The following SPAG17 variants were observed in gnomAD, a reference collection of about 807,000 sequenced individuals.
SPAG17 encodes the protein sperm associated antigen 17, also known as sperm-associated antigen 17.
In SPAG17, 169 loss-of-function variants were observed where a neutral mutation model predicts 273.6. The ratio of observed to expected loss-of-function variants is 0.62; its 90% CI spans 0.55 to 0.70. The LOEUF is 0.70. Ranked by LOEUF, SPAG17 falls within the 30% of genes least tolerant of loss-of-function variation. The pLI, the probability that SPAG17 is intolerant of heterozygous loss-of-function variation, is 0.00. For missense variants in SPAG17, 2,557 were observed against 2,627.8 expected (o/e 0.97, Z 0.59); for synonymous variants, 825 against 873.2 (o/e 0.94, Z 0.97).
At chr1:117,981,465 G>A in intron 42 of SPAG17, 64 bp from the exon 43 acceptor site, 2 of 1,494,154 alleles carry the variant, frequency 1.3e-6, no homozygotes, top group Non-Finnish European at 1.8e-6. Flanking sequence ...GACTACTAAT[G>A]TTTGCATGAA....
chr1:118,105,856 G>GAA (rs397844630), intron 4 of SPAG17, among the ~76,000 whole-genome samples: 52 of 150,660 alleles, frequency 3.5e-4, no homozygotes, highest in Middle Eastern at 3.4e-3. Context: ...CATCAAAAAA[G>GAA]AAAAAAAAAG....
At chr1:118,011,274 A>G (rs1160602946) in intron 30 of SPAG17, among the ~76,000 whole-genome samples, 2 of 152,196 alleles carry the variant, frequency 1.3e-5, no homozygotes, top group Admixed American at 6.5e-5. Context: ...ATACACACAT[A>G]TGTTCACTGT....
At chr1:118,087,301 TAGAA>T (rs1558003519) in intron 10 of SPAG17, 1 of 243,426 alleles carries the variant, frequency 4.1e-6, no homozygotes, top group African/African-American at 2.2e-5. Context: ...TCTAGTCAAA[TAGAA>T]TAATAACATT....
At position 118,073,823 on chromosome 1, in the gene SPAG17, C is replaced by T. The variant is rs749932011; in HGVS notation, c.2385+31G>A. ...AGCAGACTCTCCAGACCTATCTGAC[C>T]GTCTCCTAGAGAATCACAGTCCATA... On this transcript the variant is annotated intron_variant, in intron 17 of 48. Coordinates refer to ENST00000336338, the MANE Select transcript of SPAG17 (RefSeq NM_206996.4). The T allele has an allele frequency of 3.4e-5, 50 of 1,458,262 alleles. No homozygotes were observed. The East Asian group carries it at 6.2e-4, about 18-fold the overall frequency. The allele number at this position is 1,458,262 out of a possible 1,614,324, so 90.3% of individuals were successfully genotyped here.
chr1:118,095,275 T>A (rs1289914839), intron 7 of SPAG17, among the ~76,000 whole-genome samples: 1 of 152,188 alleles, frequency 6.6e-6, no homozygotes, highest in Admixed American at 6.5e-5. Context: ...AGTGTTCACA[T>A]CTATGTTCTG....
At chr1:118,024,869 C>A (rs898361495) in intron 27 of SPAG17, among the ~76,000 whole-genome samples, 1 of 152,148 alleles carries the variant, frequency 6.6e-6, no homozygotes, top group Non-Finnish European at 1.5e-5. Context: ...ATCTGATCTG[C>A]ATTTTAAAAG....
intron 43 of SPAG17, among the ~76,000 whole-genome samples, chr1:117,978,870 T>C (rs994664984): frequency 1.8e-5 from 1 of 55,664 alleles, no homozygotes; most frequent in Non-Finnish European, 5.1e-5. Flanking sequence ...CTTCCTCTTC[T>C]TTTTTTTTTT....
intron 46 of SPAG17, among the ~76,000 whole-genome samples, chr1:117,969,102 C>A (rs150476813): frequency 4.6e-5 from 7 of 152,032 alleles, no homozygotes; most frequent in Admixed American, 2.6e-4. Context: ...GATGAACTTA[C>A]GTTTACATCA....
intron 20 of SPAG17, among the ~76,000 whole-genome samples, chr1:118,046,781 T>G (rs1044012272): frequency 1.3e-5 from 2 of 152,124 alleles, no homozygotes; most frequent in African/African-American, 2.4e-5. Context: ...TTTTTGTGTG[T>G]GGGGGGAATA....
At chr1:118,122,693 T>G (rs888302815) in intron 3 of SPAG17, among the ~76,000 whole-genome samples, 2 of 152,222 alleles carry the variant, frequency 1.3e-5, no homozygotes, top group Non-Finnish European at 2.9e-5. Context: ...AGAAAGAGAA[T>G]ATGAGTAGTG....
intron 44 of SPAG17, among the ~76,000 whole-genome samples, chr1:117,972,444 C>CG (rs1163114555): frequency 6.6e-6 from 1 of 152,168 alleles, no homozygotes; most frequent in Non-Finnish European, 1.5e-5. Context: ...TTCTGTTGGT[C>CG]GGGGGCAGGG....
At chr1:117,987,685 C>A (rs1490548397) in intron 40 of SPAG17, 149 bp downstream of exon 40, 7 of 731,926 alleles carry the variant, frequency 9.6e-6, no homozygotes, top group Non-Finnish European at 1.6e-5. Context: ...GATGTCATCA[C>A]ACAGAGCTGA....
intron 24 of SPAG17, among the ~76,000 whole-genome samples, chr1:118,033,848 G>A (rs1648760746): frequency 6.6e-6 from 1 of 152,154 alleles, no homozygotes; most frequent in Non-Finnish European, 1.5e-5. Context: ...CAGCTCTAAA[G>A]TCCCATCTGA....
intron 43 of SPAG17, among the ~76,000 whole-genome samples, chr1:117,979,713 T>C (rs1047989487): frequency 2.6e-5 from 4 of 152,220 alleles, no homozygotes; most frequent in African/African-American, 7.2e-5. Flanking sequence ...TCTTTTACTT[T>C]TTCCTTTGCT....
chr1:118,181,076 T>G (rs922804246), intron 1 of SPAG17, among the ~76,000 whole-genome samples: 1 of 152,004 alleles, frequency 6.6e-6, no homozygotes, highest in Non-Finnish European at 1.5e-5. Flanking sequence ...AGACAGATTA[T>G]TATAATTTTA....
At chr1:118,088,346 T>C (rs1406308840) in intron 10 of SPAG17, among the ~76,000 whole-genome samples, 3 of 152,198 alleles carry the variant, frequency 2.0e-5, no homozygotes, top group East Asian at 3.8e-4. Flanking sequence ...AGATGGTTAA[T>C]AAATGTTTGT....
chr1:117,968,146 C>G (rs1296451429), intron 46 of SPAG17, among the ~76,000 whole-genome samples: 1 of 152,036 alleles, frequency 6.6e-6, no homozygotes, highest in Non-Finnish European at 1.5e-5. Flanking sequence ...GTGTTGGCAA[C>G]TAACCAAGCT....
At chr1:118,154,166 G>A (rs1011510195) in intron 1 of SPAG17, among the ~76,000 whole-genome samples, 6 of 152,142 alleles carry the variant, frequency 3.9e-5, no homozygotes, top group African/African-American at 4.8e-5. Context: ...TCCAGGCCAC[G>A]TCTCCCCATT....
At chr1:118,015,520 T>G (rs577954725) in intron 29 of SPAG17, among the ~76,000 whole-genome samples, 56 of 152,276 alleles carry the variant, frequency 3.7e-4, no homozygotes, top group Admixed American at 1.2e-3. Context: ...CAAACTCCTT[T>G]CACCAACTGC....
Sources: allele counts gnomAD v4.1 joint callset (sites outside exome capture counted in the v4.1 genomes callset), GRCh38; gene constraint gnomAD v4.1.1; transcripts MANE v1.5; gene names NCBI Gene and HGNC (gene_info 2026-07-23, HGNC 2026-07-21).